Variants in PRKG1 observed in about 807,000 individuals in gnomAD.
The protein encoded by PRKG1 is protein kinase cGMP-dependent 1.
PRKG1 carries 35 observed loss-of-function variants against 88.1 expected under a neutral mutation model. That is an observed-to-expected ratio of 0.40 (90% confidence interval 0.30 to 0.53). The LOEUF (loss-of-function observed/expected upper bound fraction) is 0.53. Among genes scored for constraint, PRKG1 ranks in the 20% least tolerant of loss-of-function variants. The probability of loss-of-function intolerance (pLI) is 0.59; values close to 1 mark genes in which losing one functional copy is unlikely to be tolerated. For missense variants in PRKG1, 540 were observed against 839.8 expected (o/e 0.64, Z 4.41); for synonymous variants, 303 against 292.5 (o/e 1.04, Z -0.37).
intron 2 of PRKG1, among the ~76,000 whole-genome samples, chr10:51,299,236 C>T (rs1305894686): frequency 1.3e-5 from 2 of 149,794 alleles, no homozygotes; most frequent in Non-Finnish European, 1.5e-5. Context: ...GATGGAGTCT[C>T]ACTGTGTTAC....
At chr10:52,287,701 A>AAAT (rs1842151275) in intron 14 of PRKG1, among the ~76,000 whole-genome samples, 2 of 146,420 alleles carry the variant, frequency 1.4e-5, no homozygotes, top group Non-Finnish European at 1.5e-5. Context: ...GATCAGTTAA[A>AAAT]AAAAAAAAAA....
chr10:51,976,180 G>A (rs1336029612), intron 5 of PRKG1, among the ~76,000 whole-genome samples: 1 of 151,914 alleles, frequency 6.6e-6, no homozygotes, highest in Non-Finnish European at 1.5e-5. Flanking sequence ...AAAGGGTGCA[G>A]ACACTTTTGA....
intron 4 of PRKG1, among the ~76,000 whole-genome samples, chr10:51,816,294 A>G (rs894508325): frequency 1.1e-4 from 17 of 152,286 alleles, no homozygotes; most frequent in African/African-American, 3.6e-4. Context: ...GTTTGGATTT[A>G]AAACCAGGTC....
chr10:52,287,956 C>CT (rs1842158492), intron 14 of PRKG1, among the ~76,000 whole-genome samples: 1 of 152,088 alleles, frequency 6.6e-6, no homozygotes, highest in Non-Finnish European at 1.5e-5. Flanking sequence ...GAAGGGAAGA[C>CT]AGACATAAAA....
intron 2 of PRKG1, among the ~76,000 whole-genome samples, chr10:51,194,253 T>C (rs1254162671): frequency 6.6e-6 from 1 of 151,568 alleles, no homozygotes; most frequent in African/African-American, 2.4e-5. Context: ...TTTTTTTCAA[T>C]TATACTTTAA....
intron 3 of PRKG1, among the ~76,000 whole-genome samples, chr10:51,788,922 C>CATAT (rs1256077941): frequency 6.6e-6 from 1 of 152,076 alleles, no homozygotes; most frequent in African/African-American, 2.4e-5. Context: ...TGGCTTCTGG[C>CATAT]ATATGTACAC....
rs140076441 is a variant in PRKG1 at position 52,038,660 on chromosome 10, G to A, written c.763-15824G>A. ...GTACTTGCCCCTTTCCCAGAAAAGT[G>A]GGACTTGCTGCTAAGGGTGAAGGAC... On this transcript the variant is annotated intron_variant, in intron 5 of 17. Transcript: ENST00000373980. Among the ~76,000 whole-genome samples the A allele has an allele frequency of 4.8e-3, 737 of 152,188 alleles. 3 individuals carry two copies. Among genetic ancestry groups the A allele is most frequent in the African/African-American group, 0.017 (691 of 41,512 alleles).
intron 5 of PRKG1, among the ~76,000 whole-genome samples, chr10:52,025,217 T>C (rs1210485705): frequency 3.3e-5 from 5 of 152,264 alleles, no homozygotes; most frequent in Non-Finnish European, 5.9e-5. Context: ...TTGTAGATTC[T>C]GGATATTAGC....
intron 5 of PRKG1, among the ~76,000 whole-genome samples, chr10:51,935,416 T>C (rs986247921): frequency 6.6e-6 from 1 of 152,112 alleles, no homozygotes; most frequent in Non-Finnish European, 1.5e-5. Context: ...GGAGAGGCGA[T>C]TCAATTCGGT....
chr10:51,268,548 G>T (rs1424865378), intron 2 of PRKG1, among the ~76,000 whole-genome samples: 1 of 144,290 alleles, frequency 6.9e-6, no homozygotes, highest in Non-Finnish European at 1.5e-5. Flanking sequence ...GAGAAATATG[G>T]CTCTGTTCTG....
chr10:51,699,013 C>T (rs200221098), intron 3 of PRKG1: 3 of 1,614,262 alleles, frequency 1.9e-6, no homozygotes, highest in South Asian at 1.1e-5. Context: ...CCATGATTCT[C>T]ATCACTACTT....
upstream of PRKG1, among the ~76,000 whole-genome samples, chr10:51,071,609 T>TAC (rs1462129597): frequency 6.6e-6 from 1 of 152,210 alleles, no homozygotes; most frequent in Non-Finnish European, 1.5e-5. Context: ...GTAATGTGTA[T>TAC]ACATCCTATA....
chr10:51,971,535 T>A (rs894295403), intron 5 of PRKG1, among the ~76,000 whole-genome samples: 2 of 152,110 alleles, frequency 1.3e-5, no homozygotes, highest in Admixed American at 1.3e-4. Context: ...TGTCAAAATA[T>A]TTTGAGCACT....
At chr10:51,004,695 A>G (rs1401623486) in intron 1 of PRKG1, among the ~76,000 whole-genome samples, 1 of 151,924 alleles carries the variant, frequency 6.6e-6, no homozygotes, top group African/African-American at 2.4e-5. Flanking sequence ...TAAAGTCCAT[A>G]TTGTGCACTT....
At chr10:51,635,741 C>T (rs10998609) in intron 3 of PRKG1, among the ~76,000 whole-genome samples, 2 of 152,160 alleles carry the variant, frequency 1.3e-5, no homozygotes, top group African/African-American at 4.8e-5. Context: ...TGCTCATCAA[C>T]TCAACAGTAA....
chr10:51,224,363 C>T (rs1391677943), intron 2 of PRKG1, among the ~76,000 whole-genome samples: 3 of 152,290 alleles, frequency 2.0e-5, no homozygotes, highest in South Asian at 2.1e-4. Flanking sequence ...TCCATCCTAA[C>T]GATCTCTTCA....
intron 5 of PRKG1, among the ~76,000 whole-genome samples, chr10:52,004,208 G>A (rs371960800): frequency 3.3e-5 from 5 of 152,004 alleles, no homozygotes; most frequent in African/African-American, 4.8e-5. Context: ...TGTAAACTCC[G>A]GGATGGCAGG....
chr10:51,078,906 G>A (rs1844037348), intron 1 of PRKG1, among the ~76,000 whole-genome samples: 1 of 152,064 alleles, frequency 6.6e-6, no homozygotes, highest in Non-Finnish European at 1.5e-5. Context: ...GTGAGCCACC[G>A]CACCCGGCCT....
chr10:51,791,398 T>C (rs1388181218), intron 3 of PRKG1, among the ~76,000 whole-genome samples: 1 of 152,136 alleles, frequency 6.6e-6, no homozygotes, highest in Non-Finnish European at 1.5e-5. Context: ...AATTCTGTTA[T>C]AAACAGCTCC....
Sources: gnomAD v4.1 joint callset for allele counts (sites outside exome capture counted in the v4.1 genomes callset) on GRCh38, gnomAD v4.1.1 for gene constraint, MANE v1.5 for transcripts, NCBI Gene and HGNC (gene_info 2026-07-23, HGNC 2026-07-21) for gene names.